AP3B1: variants seen among roughly 807,000 people sequenced by gnomAD.
The protein encoded by AP3B1 is AP-3 complex subunit beta-1.
A neutral mutation model predicts 132.5 loss-of-function variants in AP3B1; 61 were observed. That is an observed-to-expected ratio of 0.46 (90% CI 0.37 to 0.57). The LOEUF is 0.57. Ranked by LOEUF, AP3B1 falls within the 20% of genes least tolerant of loss-of-function variation. The pLI, the probability that AP3B1 is intolerant of heterozygous loss-of-function variation, is 0.00. For synonymous variants in AP3B1, 388 were observed against 438.3 expected (o/e 0.89, Z 1.43); for missense variants, 1,120 against 1,289.4 (o/e 0.87, Z 2.01).
chr5:78,037,315 G>A (rs1170398169), intron 23 of AP3B1, among the ~76,000 whole-genome samples: 1 of 151,570 alleles, frequency 6.6e-6, no homozygotes, highest in African/African-American at 2.4e-5. Context: ...TTTTAACTAG[G>A]TAAAAAAGGT....
chr5:78,199,984 T>C (rs935299858), intron 7 of AP3B1, among the ~76,000 whole-genome samples: 3 of 152,158 alleles, frequency 2.0e-5, no homozygotes, highest in Non-Finnish European at 4.4e-5. Flanking sequence ...AAAAATCATA[T>C]AAACAAGTTA....
intron 21 of AP3B1, among the ~76,000 whole-genome samples, chr5:78,091,700 T>C (rs1750524563): frequency 6.6e-6 from 1 of 152,012 alleles, no homozygotes; most frequent in African/African-American, 2.4e-5. Context: ...AGGTAGGAAA[T>C]TGAAAAACTA....
chr5:78,221,599 G>GATA (rs1746179311), intron 6 of AP3B1, among the ~76,000 whole-genome samples: 1 of 151,372 alleles, frequency 6.6e-6, no homozygotes, highest in Non-Finnish European at 1.5e-5. Context: ...TTTTAAAAGG[G>GATA]GTATTAAAGA....
chr5:78,291,981 A>G (rs1272411526), intron 1 of AP3B1, among the ~76,000 whole-genome samples: 1 of 152,196 alleles, frequency 6.6e-6, no homozygotes, highest in East Asian at 1.9e-4. Flanking sequence ...ATGAATACGT[A>G]TATGTGCCTG....
At chr5:78,263,619 T>C (rs551742803) in intron 2 of AP3B1, among the ~76,000 whole-genome samples, 1 of 152,300 alleles carries the variant, frequency 6.6e-6, no homozygotes, top group African/African-American at 2.4e-5. Context: ...GTGATGCTAG[T>C]TTTGGGTTTT....
chr5:78,227,937 A>G (rs1198766917), intron 4 of AP3B1, among the ~76,000 whole-genome samples: 1 of 151,842 alleles, frequency 6.6e-6, no homozygotes, highest in African/African-American at 2.4e-5. Flanking sequence ...ATAAACAAAC[A>G]TACAGAAGCT....
rs34203981 is a variant in AP3B1, at chr5:78,072,712, C to CTTT, written c.2577+16678_2577+16680dup. ...TGAGTAACAATGTGTCTGATATATT[C>CTTT]TTTTTTTTTTTTTTTTTTTTTTTTT... On this transcript the variant is annotated intron_variant, in intron 22 of 26. Transcript: ENST00000255194. Among the ~76,000 whole-genome samples the CTTT allele has an allele frequency of 2.4e-3, 165 of 68,288 alleles. 31 individuals carry two copies. The highest frequency in any genetic ancestry group is 9.9e-3 in the South Asian group (15 of 1,510). The allele number at this position is 68,288 out of a possible 152,430, so 44.8% of individuals were successfully genotyped here. A position where few individuals can be genotyped will look rare whatever the true frequency, so the allele number is the denominator to read the frequency against.
At chr5:78,071,131 CACA>C (rs1191353089) in intron 22 of AP3B1, among the ~76,000 whole-genome samples, 1 of 152,140 alleles carries the variant, frequency 6.6e-6, no homozygotes, top group East Asian at 1.9e-4. Context: ...CAGCACTATT[CACA>C]ACAACAAAGA....
intron 2 of AP3B1, among the ~76,000 whole-genome samples, chr5:78,258,478 T>C (rs910511941): frequency 1.3e-5 from 2 of 152,114 alleles, no homozygotes; most frequent in African/African-American, 4.8e-5. Context: ...ATCTAAACTA[T>C]AATGAGTTAT....
intron 17 of AP3B1, 86 bp downstream of exon 17, chr5:78,127,944 C>T: frequency 6.6e-7 from 1 of 1,512,220 alleles, no homozygotes; most frequent in Non-Finnish European, 9.1e-7. Context: ...ATTTTCAACT[C>T]TCCAAAAAAG....
chr5:78,029,954 A>C lies in AP3B1; in HGVS notation c.2894+4407T>G, dbSNP rs572007978. 3.7e-4 allele frequency among the ~76,000 whole-genome samples: 57 copies of C among 152,198 alleles called. 1 individual carries two copies. In the South Asian group the frequency reaches 5.8e-3, roughly 16 times the overall value. On this transcript the variant is annotated intron_variant, in intron 24 of 26. Transcript: ENST00000255194. ...TCGATCAATTCTCTTCTCAGACATA[A>C]CAAGAACCCTAGTATACCATCACTC...
chr5:78,229,570 T>TAAAAAAAAAAAAA (rs747124764), intron 3 of AP3B1, among the ~76,000 whole-genome samples: 1 of 92,878 alleles, frequency 1.1e-5, no homozygotes, highest in African/African-American at 4.1e-5. Flanking sequence ...CCATTTCTAG[T>TAAAAAAAAAAAAA]AAAACAAAAA....
In AP3B1 at chr5:78,082,972, C is replaced by A. The variant is rs540628780; in HGVS notation, c.2577+6421G>T. Among the ~76,000 whole-genome samples the A allele has an allele frequency of 2.1e-3, 315 of 152,188 alleles. 1 individual carries two copies. The highest frequency in any genetic ancestry group is 4.0e-3 in the Non-Finnish European group (270 of 68,006). On this transcript the variant is annotated intron_variant, in intron 22 of 26. Transcript: ENST00000255194. ...CTGGGATTACAGGCACACGCCACCA[C>A]CCCAGGCTAATTTTTTATATTTTTA...
At chr5:78,010,168 T>C (rs1230062951) in intron 26 of AP3B1, among the ~76,000 whole-genome samples, 1 of 152,190 alleles carries the variant, frequency 6.6e-6, no homozygotes, top group Non-Finnish European at 1.5e-5. Context: ...CTGGGATATG[T>C]GTAAGAAAAA....
chr5:78,133,681 A>G (rs1471086386), intron 15 of AP3B1, among the ~76,000 whole-genome samples: 1 of 152,218 alleles, frequency 6.6e-6, no homozygotes, highest in African/African-American at 2.4e-5. Flanking sequence ...GTACTTTTAA[A>G]TTTGTTTTAT....
At chr5:78,009,797 G>T (rs1009702456) in intron 26 of AP3B1, among the ~76,000 whole-genome samples, 1 of 151,432 alleles carries the variant, frequency 6.6e-6, no homozygotes, top group Non-Finnish European at 1.5e-5. Context: ...AGGGGGAGAG[G>T]GGAAGGAATA....
At chr5:78,191,354 CAAAAA>C (rs34733864) in intron 7 of AP3B1, among the ~76,000 whole-genome samples, 1,477 of 72,898 alleles carry the variant, frequency 0.02, 26 homozygotes, top group African/African-American at 0.076. Context: ...TGCTTTTCCC[CAAAAA>C]AAAAAAAAAA....
rs968768933 is a variant in AP3B1 at position 78,294,617 on chromosome 5, G to A, written c.-38C>T. ...GGCGGGTGCGGGGTTGGTCCTGCCGGGGGTTCTCTCCAAAAGGTTCCAGTC... is the reference window on the plus strand; with the variant it reads ...GGCGGGTGCGGGGTTGGTCCTGCCGAGGGTTCTCTCCAAAAGGTTCCAGTC... On this transcript the variant is annotated 5_prime_UTR_variant, in exon 1 of 27. Transcript: ENST00000255194. 4 of 1,612,948 alleles carry A rather than the reference G, an allele frequency of 2.5e-6. No individual in the cohort carries two copies. The Admixed American group carries it at 6.7e-5, about 27-fold the overall frequency.
At chr5:78,264,034 C>A (rs1303935519) in intron 2 of AP3B1, among the ~76,000 whole-genome samples, 2 of 152,032 alleles carry the variant, frequency 1.3e-5, no homozygotes, top group Admixed American at 6.5e-5. Flanking sequence ...GCCATATAGC[C>A]TAAGTGTGTA....
Sources: gnomAD v4.1 joint callset for allele counts (sites outside exome capture counted in the v4.1 genomes callset) on GRCh38, gnomAD v4.1.1 for gene constraint, MANE v1.5 for transcripts, NCBI Gene and HGNC (gene_info 2026-07-23, HGNC 2026-07-21) for gene names.